The following MFSD11 variants were observed in gnomAD, a reference collection of about 807,000 sequenced individuals.
MFSD11 encodes the protein UNC93-like protein MFSD11.
MFSD11 carries 36 observed loss-of-function variants against 53.5 expected under a neutral mutation model. The observed-to-expected ratio is 0.67, with a 90% CI of 0.52 to 0.89. MFSD11 has a LOEUF of 0.89. Ranked by LOEUF, MFSD11 falls within the 40% of genes least tolerant of loss-of-function variation. The pLI is 0.00. For synonymous variants in MFSD11, 186 were observed against 184.9 expected (o/e 1.01, Z -0.05); for missense variants, 530 against 543.9 (o/e 0.97, Z 0.25).
chr17:76,761,388 T>C (rs1473027086), intron 8 of MFSD11, among the ~76,000 whole-genome samples: 2 of 152,176 alleles, frequency 1.3e-5, no homozygotes, highest in Admixed American at 6.5e-5. Context: ...AAGATGTTTA[T>C]AGTAGTGAGA....
At position 76,738,458 on chromosome 17, in the gene MFSD11, A is replaced by G; in HGVS notation, c.96+10A>G. On this transcript the variant is annotated intron_variant, in intron 1 of 12. Transcript: ENST00000685175. ...TTGTGGAAATGTGGCGGTGAGTTGG[A>G]ATCTGTCCTCCCTCCTTTGAAGTGC... 1 of 1,599,408 alleles carries G rather than the reference A, an allele frequency of 6.3e-7. No homozygotes were observed. The highest frequency in any genetic ancestry group is 8.6e-7 in the Non-Finnish European group (1 of 1,166,614).
intron 8 of MFSD11, among the ~76,000 whole-genome samples, chr17:76,754,683 C>CAAAAAA (rs10667934): frequency 8.4e-6 from 1 of 119,392 alleles, no homozygotes; most frequent in Non-Finnish European, 1.7e-5. Flanking sequence ...GACTCCATCT[C>CAAAAAA]AAAAAAAAAA....
downstream of MFSD11, among the ~76,000 whole-genome samples, chr17:76,780,325 G>GT (rs1233113821): frequency 4.9e-4 from 72 of 147,282 alleles, no homozygotes; most frequent in South Asian, 4.3e-4. Context: ...GCTCAGTTTT[G>GT]TTTTTTTTTT....
chr17:76,757,566 A>G (rs1354944259), intron 8 of MFSD11, among the ~76,000 whole-genome samples: 4 of 152,224 alleles, frequency 2.6e-5, no homozygotes, highest in Non-Finnish European at 5.9e-5. Flanking sequence ...GTTCCTACAT[A>G]CTATCTAAAA....
chr17:76,778,482 C>T lies in MFSD11; in HGVS notation c.*130C>T. 1 of 879,746 alleles carries T rather than the reference C, an allele frequency of 1.1e-6. No homozygotes were observed. The highest frequency in any genetic ancestry group is 2.7e-5 in the Admixed American group (1 of 37,538). The allele number at this position is 879,746 out of a possible 1,614,324, so 54.5% of individuals were successfully genotyped here. Reference sequence around the variant, plus strand: ...AGTATGGAAAATCAAGGGATTAAGACTGTTAAATCAGCCAGAGTTGGTGTT... The same window carrying T: ...AGTATGGAAAATCAAGGGATTAAGATTGTTAAATCAGCCAGAGTTGGTGTT... On this transcript the variant is annotated 3_prime_UTR_variant, in exon 13 of 13. Transcript: ENST00000685175.
downstream of MFSD11, among the ~76,000 whole-genome samples, chr17:76,784,463 G>A (rs960505375): frequency 2.0e-5 from 3 of 152,066 alleles, no homozygotes; most frequent in African/African-American, 7.2e-5. Context: ...AACCTGGGAG[G>A]CAGAGGTTGC....
chr17:76,786,624 C>T, the MFSD11 span, among the ~76,000 whole-genome samples: 2 of 152,216 alleles, frequency 1.3e-5, no homozygotes, highest in Admixed American at 1.3e-4. Flanking sequence ...ACAGAACACA[C>T]TCTTACCCCA....
chr17:76,760,531 T>C (rs1568086102), intron 8 of MFSD11, among the ~76,000 whole-genome samples: 1 of 151,724 alleles, frequency 6.6e-6, no homozygotes, highest in Non-Finnish European at 1.5e-5. Context: ...TTCTTTCTTT[T>C]TTTTTTTTAA....
the MFSD11 span, among the ~76,000 whole-genome samples, chr17:76,792,124 C>CTT: frequency 4.5e-4 from 63 of 141,496 alleles, 1 homozygote; most frequent in South Asian, 1.6e-3. Context: ...ACCAGGCACC[C>CTT]TTTTTTTTTT....
Position 76,755,769 on chromosome 17 carries a change from CGTGTGT to C in MFSD11, c.682+1695_682+1700del, listed in dbSNP as rs67060734. ...ATATATGTGTATATGTATATATGTA[CGTGTGT>C]GTGTGTGTGTGTATACATATATATA... is the stretch of plus-strand genomic sequence containing the variant. On this transcript the variant is annotated intron_variant, in intron 8 of 12. Transcript: ENST00000685175. 3.9e-3 allele frequency among the ~76,000 whole-genome samples: 115 copies of C among 29,330 alleles called. 4 individuals are homozygous for C. Among genetic ancestry groups the C allele is most frequent in the African/African-American group, 6.6e-3 (85 of 12,794 alleles). 19.2% of individuals were successfully genotyped at this position (29,330 alleles called of 152,430 possible).
At chr17:76,793,918 T>C in the MFSD11 span, among the ~76,000 whole-genome samples, 11 of 151,196 alleles carry the variant, frequency 7.3e-5, no homozygotes, top group Non-Finnish European at 1.6e-4. Context: ...CTGCTGTTGC[T>C]GGCATTGAAG....
At chr17:76,761,750 A>C (rs1308679873) in intron 8 of MFSD11, among the ~76,000 whole-genome samples, 3 of 151,802 alleles carry the variant, frequency 2.0e-5, no homozygotes, top group Non-Finnish European at 4.4e-5. Context: ...GTGAAACCCC[A>C]TCTCTACTAA....
chr17:76,740,269 T>C (rs2144069498), intron 2 of MFSD11, among the ~76,000 whole-genome samples: 1 of 152,062 alleles, frequency 6.6e-6, no homozygotes, highest in South Asian at 2.1e-4. Flanking sequence ...GATTTATGAA[T>C]AGTATCTAGT....
chr17:76,740,932 T>C, intron 2 of MFSD11, 25 bp from the exon 3 acceptor site: 1 of 1,322,952 alleles, frequency 7.6e-7, no homozygotes, highest in Admixed American at 2.1e-5. Flanking sequence ...TTTTTTTTTT[T>C]TCCGTTTGTG....
intron 5 of MFSD11, 69 bp downstream of exon 5, chr17:76,742,342 C>G: frequency 1.6e-6 from 2 of 1,283,118 alleles, no homozygotes; most frequent in Non-Finnish European, 2.2e-6. Flanking sequence ...TTTTTTAGGT[C>G]TTTGGTTGAC....
chr17:76,737,227 G>C (rs747137211), upstream of MFSD11: 2 of 1,465,940 alleles, frequency 1.4e-6, no homozygotes, highest in Non-Finnish European at 1.8e-6. Context: ...GCGGTGCGAC[G>C]CCGCGCCTCT....
chr17:76,750,450 C>T (rs546358933), intron 7 of MFSD11, among the ~76,000 whole-genome samples: 27 of 151,184 alleles, frequency 1.8e-4, no homozygotes, highest in Non-Finnish European at 2.2e-4. Flanking sequence ...CTCCGCCTCC[C>T]GGGTGCACGC....
At position 76,743,384 on chromosome 17, in the gene MFSD11, T is replaced by C; in HGVS notation, c.438-14T>C. 1 of 1,550,272 alleles carries C rather than the reference T, an allele frequency of 6.5e-7. No individual in the cohort carries two copies. Among genetic ancestry groups the C allele is most frequent in the African/African-American group, 1.4e-5 (1 of 72,568 alleles). The stretch of plus-strand genomic sequence containing the variant: ...TAATTACCCAACATCCTATCCTCCC[T>C]TTTCTTCCCCCAGCTTGTTCTTTGG... On this transcript the variant is annotated splice_polypyrimidine_tract_variant and intron_variant, in intron 5 of 12. Transcript: ENST00000685175.
At chr17:76,796,509 C>G in the MFSD11 span, among the ~76,000 whole-genome samples, 1 of 152,116 alleles carries the variant, frequency 6.6e-6, no homozygotes, top group Non-Finnish European at 1.5e-5. Context: ...CCACACCAGC[C>G]GACTCTGCAG....
Sources: gnomAD v4.1 joint callset for allele counts (sites outside exome capture counted in the v4.1 genomes callset) on GRCh38, gnomAD v4.1.1 for gene constraint, MANE v1.5 for transcripts, NCBI Gene and HGNC (gene_info 2026-07-23, HGNC 2026-07-21) for gene names.